CNTNAP4: variants seen among roughly 807,000 people sequenced by gnomAD.
CNTNAP4 encodes contactin-associated protein-like 4.
A neutral mutation model predicts 148.4 loss-of-function variants in CNTNAP4; 98 were observed. That is an observed-to-expected ratio of 0.66 (90% CI 0.56 to 0.78). The LOEUF (loss-of-function observed/expected upper bound fraction) is 0.78. Among genes scored for constraint, CNTNAP4 ranks in the 30% least tolerant of loss-of-function variants. The pLI is 0.00. For synonymous variants in CNTNAP4, 730 were observed against 565.1 expected, an observed-to-expected ratio of 1.29 and a Z score of -4.14; for missense variants, 1,935 against 1,565.6, an observed-to-expected ratio of 1.24 and a Z score of -3.98.
chr16:76,412,224 G>C (rs4555175), intron 3 of CNTNAP4, among the ~76,000 whole-genome samples: 52,875 of 150,940 alleles, frequency 0.35, 10,903 homozygotes, highest in Non-Finnish European at 0.44. Flanking sequence ...TAAAAATATA[G>C]CAGTATTTAA....
chr16:76,291,793 T>C (rs902735618), intron 1 of CNTNAP4, among the ~76,000 whole-genome samples: 6 of 152,360 alleles, frequency 3.9e-5, no homozygotes, highest in East Asian at 1.9e-4. Flanking sequence ...TATCATCTAA[T>C]TTTAAATTTG....
intron 4 of CNTNAP4, among the ~76,000 whole-genome samples, chr16:76,436,905 G>C (rs548361517): frequency 1.3e-5 from 2 of 151,960 alleles, no homozygotes; most frequent in East Asian, 1.9e-4. Flanking sequence ...TGTTCCTGTA[G>C]AACCACTCCT....
chr16:76,452,807 T>C, intron 8 of CNTNAP4, 38 bp downstream of exon 8: 1 of 1,482,360 alleles, frequency 6.7e-7, no homozygotes, highest in Non-Finnish European at 9.0e-7. Context: ...CATATGGATT[T>C]GAAAGATTTC....
intron 8 of CNTNAP4, among the ~76,000 whole-genome samples, chr16:76,460,516 C>T (rs1247715905): frequency 1.3e-5 from 2 of 148,418 alleles, no homozygotes; most frequent in Non-Finnish European, 3.0e-5. Context: ...AATCCCAGCA[C>T]TTTGGGAAGC....
chr16:76,379,228 G>A (rs931929484), intron 3 of CNTNAP4, among the ~76,000 whole-genome samples: 1 of 152,096 alleles, frequency 6.6e-6, no homozygotes, highest in Non-Finnish European at 1.5e-5. Context: ...GAAAGAATGC[G>A]AGAGAATCAT....
chr16:76,326,451 G>A (rs1204716680), intron 2 of CNTNAP4, among the ~76,000 whole-genome samples: 1 of 152,178 alleles, frequency 6.6e-6, no homozygotes, highest in Non-Finnish European at 1.5e-5. Flanking sequence ...GATGGGAAAA[G>A]CTAGCAAAAG....
At chr16:76,363,671 G>A (rs965287316) in intron 3 of CNTNAP4, among the ~76,000 whole-genome samples, 1 of 152,122 alleles carries the variant, frequency 6.6e-6, no homozygotes, top group African/African-American at 2.4e-5. Context: ...AAAACCTTCT[G>A]TATAGCATAC....
chr16:76,481,982 A>G (rs1308144249), intron 12 of CNTNAP4, among the ~76,000 whole-genome samples: 1 of 150,208 alleles, frequency 6.7e-6, no homozygotes, highest in Non-Finnish European at 1.5e-5. Flanking sequence ...AAATGAGATG[A>G]GAAGACACTG....
intron 1 of CNTNAP4, among the ~76,000 whole-genome samples, chr16:76,290,089 G>T (rs1959053172): frequency 6.6e-6 from 1 of 152,148 alleles, no homozygotes; most frequent in Non-Finnish European, 1.5e-5. Context: ...TGGACTCCAA[G>T]GTGGTGAAGT....
chr16:76,483,748 A>G (rs1042642149), intron 12 of CNTNAP4, among the ~76,000 whole-genome samples: 11 of 152,184 alleles, frequency 7.2e-5, no homozygotes, highest in African/African-American at 2.2e-4. Context: ...CAGGAAAACA[A>G]TGTTTCCTTG....
chr16:76,449,202 A>G (rs1597578445), intron 6 of CNTNAP4, among the ~76,000 whole-genome samples: 1 of 152,186 alleles, frequency 6.6e-6, no homozygotes, highest in Non-Finnish European at 1.5e-5. Flanking sequence ...GTAGTCACAG[A>G]ACATCATATG....
chr16:76,465,683 A>C (rs923584038), intron 9 of CNTNAP4, among the ~76,000 whole-genome samples: 8 of 152,318 alleles, frequency 5.3e-5, no homozygotes, highest in South Asian at 4.1e-4. Context: ...TTCAGAATAC[A>C]TACTGAGATT....
intron 21 of CNTNAP4, 135 bp downstream of exon 21, chr16:76,540,925 T>C (rs778993155): frequency 1.7e-6 from 1 of 594,912 alleles, no homozygotes; most frequent in Non-Finnish European, 3.0e-6. Flanking sequence ...ATGAAGTGAG[T>C]GATAATCAAG....
intron 2 of CNTNAP4, among the ~76,000 whole-genome samples, chr16:76,319,969 T>C (rs1460796766): frequency 6.6e-6 from 1 of 152,224 alleles, no homozygotes; most frequent in African/African-American, 2.4e-5. Flanking sequence ...ACTAGAAGTT[T>C]AGTGCCACTG....
intron 12 of CNTNAP4, among the ~76,000 whole-genome samples, chr16:76,481,285 G>A (rs2081817821): frequency 6.6e-6 from 1 of 152,164 alleles, no homozygotes; most frequent in Non-Finnish European, 1.5e-5. Flanking sequence ...GTAGCCACTA[G>A]CAAGTGCCTA....
chr16:76,292,309 G>T (rs1209234340), intron 1 of CNTNAP4, among the ~76,000 whole-genome samples: 2 of 152,060 alleles, frequency 1.3e-5, no homozygotes, highest in Admixed American at 6.6e-5. Flanking sequence ...ATAATTCCTT[G>T]CCTCTTCGAG....
chr16:76,433,069 A>G (rs1034226145), intron 4 of CNTNAP4, among the ~76,000 whole-genome samples: 1 of 152,064 alleles, frequency 6.6e-6, no homozygotes, highest in Non-Finnish European at 1.5e-5. Flanking sequence ...GAATGTTTCC[A>G]CCCACTTGTA....
intron 1 of CNTNAP4, among the ~76,000 whole-genome samples, chr16:76,298,863 G>T (rs966043021): frequency 2.6e-5 from 4 of 152,134 alleles, no homozygotes; most frequent in Admixed American, 6.5e-5. Context: ...TGAGTTGGGT[G>T]GGGGCAGGTA....
chr16:76,477,900 A>C (rs1329276693), intron 11 of CNTNAP4, among the ~76,000 whole-genome samples: 31 of 152,204 alleles, frequency 2.0e-4, no homozygotes, highest in Admixed American at 2.0e-3. Context: ...TAATAAATAA[A>C]GTTACTTTCA....
Sources: allele counts gnomAD v4.1 joint callset (sites outside exome capture counted in the v4.1 genomes callset), GRCh38; gene constraint gnomAD v4.1.1; transcripts MANE v1.5; gene names NCBI Gene and HGNC (gene_info 2026-07-23, HGNC 2026-07-21).